The following AKAP6 variants were observed in gnomAD, a reference collection of about 807,000 sequenced individuals.
AKAP6 encodes the protein A-kinase anchoring protein 6, also known as A-kinase anchor protein 6.
A neutral mutation model predicts 188.5 loss-of-function variants in AKAP6; 58 were observed. That is an observed-to-expected ratio of 0.31 (90% confidence interval 0.25 to 0.38). AKAP6 has a LOEUF of 0.38. Ranked by LOEUF, AKAP6 falls within the 10% of genes least tolerant of loss-of-function variation. AKAP6 has a pLI of 1.00. For missense variants in AKAP6, 2,710 were observed against 2,740.0 expected (o/e 0.99, Z 0.24); for synonymous variants, 989 against 998.6 (o/e 0.99, Z 0.18).
At chr14:32,826,600 A>T (rs540032409) in intron 13 of AKAP6, among the ~76,000 whole-genome samples, 1 of 152,300 alleles carries the variant, frequency 6.6e-6, no homozygotes, top group African/African-American at 2.4e-5. Flanking sequence ...TCATGCTGAG[A>T]TCTGGAGCTC....
At chr14:32,734,033 A>C (rs2031305139) in intron 10 of AKAP6, 1 of 152,172 alleles carries the variant, frequency 6.6e-6, no homozygotes, top group Non-Finnish European at 1.5e-5. Flanking sequence ...TTTTGAAAAA[A>C]GAAATAATAT....
intron 4 of AKAP6, among the ~76,000 whole-genome samples, chr14:32,558,047 G>A (rs1883768317): frequency 6.6e-6 from 1 of 152,016 alleles, no homozygotes; most frequent in Admixed American, 6.6e-5. Context: ...AAAAGTCAAG[G>A]AATTGTTTAG....
At chr14:32,735,456 A>G (rs1010182897) in intron 10 of AKAP6, among the ~76,000 whole-genome samples, 2 of 152,150 alleles carry the variant, frequency 1.3e-5, no homozygotes, top group African/African-American at 4.8e-5. Flanking sequence ...CGAATACTAA[A>G]TGGAACAATG....
chr14:32,647,705 G>A (rs1489413491), intron 7 of AKAP6, among the ~76,000 whole-genome samples: 1 of 152,012 alleles, frequency 6.6e-6, no homozygotes, highest in Non-Finnish European at 1.5e-5. Flanking sequence ...ACAGATATTG[G>A]CACCACATGA....
intron 7 of AKAP6, among the ~76,000 whole-genome samples, chr14:32,617,545 C>G (rs767754443): frequency 1.3e-4 from 20 of 152,176 alleles, no homozygotes; most frequent in South Asian, 2.1e-4. Flanking sequence ...CCCTCAAAGA[C>G]TATTCTTGAA....
chr14:32,576,995 G>A lies in AKAP6; in HGVS notation c.2347-125G>A, dbSNP rs1183126112. The A allele has an allele frequency of 4.8e-6, 5 of 1,043,016 alleles. No homozygotes were observed. In the East Asian group the frequency reaches 1.1e-4, roughly 23 times the overall value. 64.6% of individuals were successfully genotyped at this position (1,043,016 alleles called of 1,614,324 possible). A position where few individuals can be genotyped will look rare whatever the true frequency, so the allele number is the denominator to read the frequency against. On this transcript the variant is annotated intron_variant, in intron 4 of 13. Transcript: ENST00000280979. ...TTACAGCAAAGATGAAACTAGGATA[G>A]GAGTGCGGTGGGATCGATTTGATCA...
chr14:32,497,118 C>CTATCATTA (rs1880360130), intron 2 of AKAP6, among the ~76,000 whole-genome samples: 1 of 152,110 alleles, frequency 6.6e-6, no homozygotes, highest in African/African-American at 2.4e-5. Flanking sequence ...GAAAGTTCAT[C>CTATCATTA]CTCTGGATAG....
intron 1 of AKAP6, among the ~76,000 whole-genome samples, chr14:32,384,763 T>A (rs1888473967): frequency 6.6e-6 from 1 of 152,064 alleles, no homozygotes; most frequent in Non-Finnish European, 1.5e-5. Flanking sequence ...CTTGTTTTGG[T>A]TTTAGGGGGC....
At chr14:32,767,844 T>C (rs1288172598) in intron 11 of AKAP6, among the ~76,000 whole-genome samples, 2 of 152,160 alleles carry the variant, frequency 1.3e-5, no homozygotes, top group Non-Finnish European at 2.9e-5. Context: ...CACCTTACAT[T>C]TGGGTCATGG....
At chr14:32,564,138 T>A (rs1884087966) in intron 4 of AKAP6, among the ~76,000 whole-genome samples, 1 of 152,140 alleles carries the variant, frequency 6.6e-6, no homozygotes, top group Admixed American at 6.6e-5. Context: ...AAATGCTATG[T>A]AGATAGTTGT....
At chr14:32,655,315 C>T (rs1176704915) in intron 7 of AKAP6, among the ~76,000 whole-genome samples, 3 of 152,130 alleles carry the variant, frequency 2.0e-5, no homozygotes, top group Admixed American at 2.0e-4. Context: ...TCCACTAGAG[C>T]GTAGATGCAA....
chr14:32,498,049 C>T lies in AKAP6; in HGVS notation c.325-37505C>T, dbSNP rs574368557. Among the ~76,000 whole-genome samples the T allele has an allele frequency of 2.9e-4, 44 of 152,154 alleles. No homozygotes were observed. The East Asian group carries it at 6.8e-3, about 23-fold the overall frequency. ...AAACTAATTTATTAAAATACTTATT[C>T]GATTAATCAAGGTATAAGTAGAATT... On this transcript the variant is annotated intron_variant, in intron 2 of 13. Transcript: ENST00000280979.
rs1308037137 is a variant in AKAP6 at position 32,834,060 on chromosome 14, ATTC to A, written c.*4260_*4262del. 6.6e-6 allele frequency: 1 copy of A among 152,210 alleles called. No homozygotes were observed. Among genetic ancestry groups the A allele is most frequent in the Non-Finnish European group, 1.5e-5 (1 of 68,038 alleles). 9.4% of individuals were successfully genotyped at this position (152,210 alleles called of 1,614,324 possible). ...GCATGTGTTAGCTGAGAACATGGGT[ATTC>A]TTCTGCAAGTCTACAATACCATCTT... On this transcript the variant is annotated 3_prime_UTR_variant, in exon 14 of 14. Coordinates refer to ENST00000280979, the MANE Select transcript of AKAP6 (RefSeq NM_004274.5).
At chr14:32,745,479 CTCTCTCTCTCTCTCTCTG>C (rs1228165181) in intron 11 of AKAP6, among the ~76,000 whole-genome samples, 3 of 140,820 alleles carry the variant, frequency 2.1e-5, no homozygotes, top group East Asian at 4.0e-4. Flanking sequence ...CTCTCTCTCT[CTCTCTCTCTCTCTCTCTG>C]TCTCTCTCTC....
intron 4 of AKAP6, among the ~76,000 whole-genome samples, chr14:32,572,441 G>T (rs139505583): frequency 8.3e-4 from 126 of 152,300 alleles, no homozygotes; most frequent in Non-Finnish European, 1.5e-3. Flanking sequence ...CCATTATGTG[G>T]CTGTTCCCTG....
At chr14:32,444,740 AGT>A (rs35657808) in intron 2 of AKAP6, among the ~76,000 whole-genome samples, 152,326 of 152,326 alleles carry the variant, frequency 1, 76,163 homozygotes, top group Non-Finnish European at 1. Flanking sequence ...GAAGGTCTTC[AGT>A]GTGCTTCTTG....
intron 9 of AKAP6, among the ~76,000 whole-genome samples, chr14:32,711,077 G>A (rs1016977181): frequency 1.3e-5 from 2 of 151,950 alleles, no homozygotes; most frequent in Non-Finnish European, 2.9e-5. Context: ...TTATGGCAAC[G>A]CTTTAGGAAT....
intron 5 of AKAP6, among the ~76,000 whole-genome samples, chr14:32,593,221 T>A (rs1885561648): frequency 6.6e-6 from 1 of 152,208 alleles, no homozygotes; most frequent in South Asian, 2.1e-4. Flanking sequence ...CAAGGGATGA[T>A]GATGAAAGCC....
intron 11 of AKAP6, among the ~76,000 whole-genome samples, chr14:32,767,422 C>T (rs1294242218): frequency 6.6e-6 from 1 of 152,030 alleles, no homozygotes; most frequent in Admixed American, 6.6e-5. Context: ...TGTTTCCAGC[C>T]TCTCATCATT....
Sources: allele counts gnomAD v4.1 joint callset (sites outside exome capture counted in the v4.1 genomes callset), GRCh38; gene constraint gnomAD v4.1.1; transcripts MANE v1.5; gene names NCBI Gene and HGNC (gene_info 2026-07-23, HGNC 2026-07-21).